ZC3H12B: variants seen among roughly 807,000 people sequenced by gnomAD.
The protein encoded by ZC3H12B is probable ribonuclease ZC3H12B.
A neutral mutation model predicts 43.9 loss-of-function variants in ZC3H12B; 7 were observed. The ratio of observed to expected loss-of-function variants is 0.16; its 90% CI spans 0.09 to 0.30. The LOEUF (loss-of-function observed/expected upper bound fraction) is 0.30, where lower values mean the gene tolerates loss of function less well. ZC3H12B is among the 10% of genes least tolerant of loss of function. The probability of loss-of-function intolerance (pLI) is 1.00; values close to 1 mark genes in which losing one functional copy is unlikely to be tolerated. For synonymous variants in ZC3H12B, 222 were observed against 241.7 expected (o/e 0.92, Z 0.76); for missense variants, 475 against 670.2 (o/e 0.71, Z 3.22).
At chrX:65,196,072 G>C in the ZC3H12B span, among the ~76,000 whole-genome samples, 4 of 110,934 alleles carry the variant, frequency 3.6e-5, no homozygotes, top group Non-Finnish European at 5.7e-5. Flanking sequence ...GTGTGTCAGC[G>C]GACTTTACTC....
chrX:65,286,813 G>A, the ZC3H12B span, among the ~76,000 whole-genome samples: 66 of 110,083 alleles, frequency 6.0e-4, no homozygotes, highest in African/African-American at 2.0e-3. Flanking sequence ...ACACACACAT[G>A]TATACACATG....
chrX:65,463,173 T>C (rs1239435886), intron 3 of ZC3H12B, among the ~76,000 whole-genome samples: 2 of 111,684 alleles, frequency 1.8e-5, no homozygotes, highest in Non-Finnish European at 3.8e-5. Flanking sequence ...AGTACTATGC[T>C]CACTACCTGG....
the ZC3H12B span, among the ~76,000 whole-genome samples, chrX:65,317,824 TAC>T: frequency 9.8e-6 from 1 of 101,891 alleles, no homozygotes; most frequent in African/African-American, 3.6e-5. Flanking sequence ...TATATATATA[TAC>T]ACACTGTATA....
intron 2 of ZC3H12B, among the ~76,000 whole-genome samples, chrX:65,373,816 A>T (rs1272667520): frequency 3.3e-5 from 3 of 89,959 alleles, no homozygotes; most frequent in Non-Finnish European, 6.4e-5. Flanking sequence ...AGTGCAGCAC[A>T]CCAACAACAT....
the ZC3H12B span, among the ~76,000 whole-genome samples, chrX:65,246,175 G>T: frequency 2.7e-5 from 3 of 111,204 alleles, no homozygotes; most frequent in Non-Finnish European, 5.7e-5. Context: ...GCCACAAAAA[G>T]AATGAAATAC....
chrX:65,092,341 C>G, the ZC3H12B span, among the ~76,000 whole-genome samples: 1 of 111,142 alleles, frequency 9.0e-6, no homozygotes, highest in African/African-American at 3.3e-5. Flanking sequence ...TATGGAGATA[C>G]CAGAAAATGT....
At chrX:65,343,306 C>T in the ZC3H12B span, among the ~76,000 whole-genome samples, 1 of 112,044 alleles carries the variant, frequency 8.9e-6, no homozygotes, top group Admixed American at 9.5e-5. Context: ...GGAGGAGGGA[C>T]TCTTTCCTAA....
At chrX:65,090,092 C>T in the ZC3H12B span, among the ~76,000 whole-genome samples, 4 of 112,215 alleles carry the variant, frequency 3.6e-5, no homozygotes, top group Admixed American at 9.5e-5. Context: ...TTATTATTAT[C>T]AAGTATTATG....
intron 2 of ZC3H12B, among the ~76,000 whole-genome samples, chrX:65,383,100 CTACTT>C (rs1295689582): frequency 1.8e-5 from 2 of 111,626 alleles, no homozygotes; most frequent in Non-Finnish European, 3.8e-5. Flanking sequence ...TTGGAAAAAT[CTACTT>C]TAAAGTTCAT....
the ZC3H12B span, among the ~76,000 whole-genome samples, chrX:65,114,916 A>ATTTTT: frequency 6.5e-3 from 126 of 19,311 alleles, 20 homozygotes; most frequent in African/African-American, 0.032. Context: ...GTGTCTCAGG[A>ATTTTT]TTTTTTTTTT....
At chrX:65,237,105 G>A in the ZC3H12B span, among the ~76,000 whole-genome samples, 848 of 111,624 alleles carry the variant, frequency 7.6e-3, 17 homozygotes, top group African/African-American at 0.026. Flanking sequence ...TATTTTAGTG[G>A]GAATAGCATT....
At chrX:65,251,175 G>T in the ZC3H12B span, among the ~76,000 whole-genome samples, 1 of 111,389 alleles carries the variant, frequency 9.0e-6, no homozygotes, top group Non-Finnish European at 1.9e-5. Context: ...GTTTTCCCAG[G>T]ACCATTTATT....
chrX:65,086,609 A>T, the ZC3H12B span, among the ~76,000 whole-genome samples: 1 of 111,680 alleles, frequency 9.0e-6, no homozygotes, highest in African/African-American at 3.3e-5. Context: ...AGTTATTGCC[A>T]TTATAAAAGA....
At chrX:65,403,402 A>G (rs1396786790) in intron 3 of ZC3H12B, among the ~76,000 whole-genome samples, 1 of 111,883 alleles carries the variant, frequency 8.9e-6, no homozygotes, top group Non-Finnish European at 1.9e-5. Context: ...ATAGGGGTAC[A>G]AAGTTTATTC....
intron 2 of ZC3H12B, among the ~76,000 whole-genome samples, chrX:65,376,560 A>G: frequency 8.9e-6 from 1 of 111,909 alleles, no homozygotes; most frequent in Middle Eastern, 4.7e-3. Flanking sequence ...CCTAGCTCCA[A>G]GCAGCTCAGC....
At chrX:65,244,822 A>G in the ZC3H12B span, among the ~76,000 whole-genome samples, 1 of 109,442 alleles carries the variant, frequency 9.1e-6, no homozygotes, top group South Asian at 3.9e-4. Flanking sequence ...ATTGTAGATT[A>G]TAGTTTGTAA....
intron 2 of ZC3H12B, among the ~76,000 whole-genome samples, chrX:65,373,988 A>ATATATATAC (rs1569379801): frequency 8.8e-5 from 4 of 45,476 alleles, no homozygotes; most frequent in African/African-American, 7.0e-4. Flanking sequence ...TATATACTAT[A>ATATATATAC]TATATATAGT....
At chrX:65,223,393 C>A in the ZC3H12B span, among the ~76,000 whole-genome samples, 1 of 111,428 alleles carries the variant, frequency 9.0e-6, no homozygotes, top group East Asian at 2.8e-4. Flanking sequence ...ATCAGAAAAA[C>A]CATTTTAGGC....
At chrX:65,072,068 C>T in the ZC3H12B span, among the ~76,000 whole-genome samples, 1 of 111,848 alleles carries the variant, frequency 8.9e-6, no homozygotes, top group Non-Finnish European at 1.9e-5. Flanking sequence ...TTCCATTCTC[C>T]TCATCTCAGG....
Sources: allele counts gnomAD v4.1 joint callset (sites outside exome capture counted in the v4.1 genomes callset), GRCh38; gene constraint gnomAD v4.1.1; transcripts MANE v1.5; gene names NCBI Gene and HGNC (gene_info 2026-07-23, HGNC 2026-07-21).